NBAS: variants seen among roughly 807,000 people sequenced by gnomAD.
NBAS encodes NBAS subunit of NRZ tethering complex.
In NBAS, 219 loss-of-function variants were observed where a neutral mutation model predicts 302.5. The ratio of observed to expected loss-of-function variants is 0.72; its 90% CI spans 0.65 to 0.81. NBAS has a LOEUF of 0.81. Among genes scored for constraint, NBAS ranks in the 30% least tolerant of loss-of-function variants. NBAS has a pLI of 0.00. For missense variants in NBAS, 2,932 were observed against 2,841.6 expected (o/e 1.03, Z -0.72); for synonymous variants, 1,118 against 1,021.6 (o/e 1.09, Z -1.80).
At chr2:15,295,337 A>G (rs1407192293) in intron 40 of NBAS, among the ~76,000 whole-genome samples, 1 of 152,232 alleles carries the variant, frequency 6.6e-6, no homozygotes, top group Non-Finnish European at 1.5e-5. Flanking sequence ...CAATCTTCGC[A>G]TGTGACAAAA....
the NBAS span, among the ~76,000 whole-genome samples, chr2:15,021,935 ACT>A: frequency 6.6e-6 from 1 of 152,040 alleles, no homozygotes; most frequent in Non-Finnish European, 1.5e-5. Flanking sequence ...CAGCAAATAG[ACT>A]CTGAAATGGA....
intron 44 of NBAS, among the ~76,000 whole-genome samples, chr2:15,261,331 G>A (rs1344152869): frequency 1.3e-5 from 2 of 152,192 alleles, no homozygotes; most frequent in Non-Finnish European, 2.9e-5. Flanking sequence ...AGAATATGAT[G>A]AAACGGTATT....
At chr2:15,337,652 T>A (rs1447927385) in intron 35 of NBAS, among the ~76,000 whole-genome samples, 1 of 152,092 alleles carries the variant, frequency 6.6e-6, no homozygotes, top group Non-Finnish European at 1.5e-5. Flanking sequence ...CAGAAATGAA[T>A]GTGATAAAAG....
intron 38 of NBAS, among the ~76,000 whole-genome samples, chr2:15,319,969 C>T (rs969386667): frequency 2.6e-5 from 4 of 152,156 alleles, no homozygotes; most frequent in African/African-American, 9.7e-5. Context: ...GACCAATATC[C>T]CTGATGAACA....
At chr2:15,439,681 C>G (rs895152737) in intron 21 of NBAS, among the ~76,000 whole-genome samples, 2 of 152,116 alleles carry the variant, frequency 1.3e-5, no homozygotes, top group Non-Finnish European at 2.9e-5. Context: ...GCGCGCCGTG[C>G]ACAAGCCGAA....
intron 8 of NBAS, 127 bp from the exon 9 acceptor site, chr2:15,534,768 C>T (rs553499407): frequency 5.2e-6 from 4 of 763,914 alleles, no homozygotes; most frequent in African/African-American, 1.7e-5. Context: ...TATAAAACAA[C>T]CAGAACTCGA....
At position 15,367,866 on chromosome 2, in the gene NBAS, C is replaced by T. The variant is rs567582074; in HGVS notation, c.3704-1173G>A. On this transcript the variant is annotated intron_variant, in intron 31 of 51. Transcript: ENST00000281513. ...AAAGTACAAAGAAATCCTCTATACT[C>T]TTTGCTGAGGTTAACAGATGATTAA... Among the ~76,000 whole-genome samples, 9 of 152,308 alleles carry T rather than the reference C, an allele frequency of 5.9e-5. No individual in the cohort carries two copies. In the South Asian group the frequency reaches 1.9e-3, roughly 32 times the overall value.
At chr2:15,035,334 C>T in the NBAS span, among the ~76,000 whole-genome samples, 1 of 152,056 alleles carries the variant, frequency 6.6e-6, no homozygotes. Flanking sequence ...AACAACAGAT[C>T]CTGGAGAGGC....
chr2:15,222,507 C>T (rs1161217965), intron 47 of NBAS, among the ~76,000 whole-genome samples: 15 of 152,060 alleles, frequency 9.9e-5, no homozygotes, highest in Admixed American at 9.8e-4. Flanking sequence ...ACAATGAAAA[C>T]AATATTCATA....
chr2:15,042,353 T>C, the NBAS span, among the ~76,000 whole-genome samples: 379 of 152,342 alleles, frequency 2.5e-3, 3 homozygotes, highest in African/African-American at 8.9e-3. Context: ...TAGTCTGGTT[T>C]CTACTTATTA....
chr2:15,188,707 T>A (rs1009495762), intron 49 of NBAS, among the ~76,000 whole-genome samples: 2 of 152,190 alleles, frequency 1.3e-5, no homozygotes, highest in East Asian at 3.8e-4. Flanking sequence ...ATGTTTTAAA[T>A]GCAATAAATG....
intron 48 of NBAS, among the ~76,000 whole-genome samples, chr2:15,218,479 C>T (rs1666755936): frequency 6.6e-6 from 1 of 152,140 alleles, no homozygotes; most frequent in African/African-American, 2.4e-5. Context: ...GGCTGGAGTG[C>T]AGTGGTGCCA....
the NBAS span, among the ~76,000 whole-genome samples, chr2:15,082,643 C>T: frequency 5.9e-5 from 9 of 152,190 alleles, no homozygotes; most frequent in Non-Finnish European, 5.9e-5. Flanking sequence ...ATTCCCAGAG[C>T]CCCCAAGGAG....
intron 12 of NBAS, among the ~76,000 whole-genome samples, chr2:15,482,906 G>GT (rs1186670097): frequency 6.6e-6 from 1 of 151,964 alleles, no homozygotes; most frequent in African/African-American, 2.4e-5. Flanking sequence ...GTTCAGTAAG[G>GT]TATCATGTCT....
chr2:15,384,059 CT>C (rs1430484078), intron 28 of NBAS, among the ~76,000 whole-genome samples: 1 of 152,186 alleles, frequency 6.6e-6, no homozygotes, highest in Non-Finnish European at 1.5e-5. Flanking sequence ...CATAAAGCCC[CT>C]ATCAGGTATT....
chr2:15,425,969 C>A (rs994856116), intron 22 of NBAS, among the ~76,000 whole-genome samples: 19 of 152,270 alleles, frequency 1.2e-4, no homozygotes, highest in African/African-American at 4.3e-4. Context: ...TCCCTCCTCT[C>A]CCCAAGCATG....
the NBAS span, among the ~76,000 whole-genome samples, chr2:14,820,082 A>G: frequency 1.3e-5 from 2 of 152,314 alleles, no homozygotes; most frequent in East Asian, 1.9e-4. Context: ...AATTAGTACA[A>G]CCACTATGGA....
chr2:15,202,209 A>T (rs1665908313), intron 48 of NBAS, among the ~76,000 whole-genome samples: 1 of 152,200 alleles, frequency 6.6e-6, no homozygotes, highest in African/African-American at 2.4e-5. Context: ...ATCTAAACAC[A>T]CAGAATCCAA....
the NBAS span, among the ~76,000 whole-genome samples, chr2:15,009,637 CAT>C: frequency 1.0e-4 from 14 of 138,640 alleles, no homozygotes; most frequent in South Asian, 2.3e-4. Context: ...CACACACACA[CAT>C]ATACACATAT....
Sources: allele counts gnomAD v4.1 joint callset (sites outside exome capture counted in the v4.1 genomes callset), GRCh38; gene constraint gnomAD v4.1.1; transcripts MANE v1.5; gene names NCBI Gene and HGNC (gene_info 2026-07-23, HGNC 2026-07-21).